Variants in BRD3 observed in about 807,000 individuals in gnomAD.
BRD3 encodes the protein bromodomain containing 3.
In BRD3, 17 loss-of-function variants were observed where a neutral mutation model predicts 66.8. That is an observed-to-expected ratio of 0.25 (90% CI 0.17 to 0.38). BRD3 has a LOEUF of 0.38. BRD3 is among the 10% of genes least tolerant of loss of function. BRD3 has a pLI of 1.00. For synonymous variants in BRD3, 421 were observed against 393.2 expected (o/e 1.07, Z -0.84); for missense variants, 713 against 956.1 (o/e 0.75, Z 3.35).
intron 9 of BRD3, among the ~76,000 whole-genome samples, chr9:134,036,965 CTTGT>C (rs1829934770): frequency 6.6e-6 from 1 of 151,994 alleles, no homozygotes; most frequent in Non-Finnish European, 1.5e-5. Context: ...GAGCCAAGAT[CTTGT>C]CCCTGCACTC....
At chr9:134,053,953 G>A (rs918189742) in intron 1 of BRD3, 4 of 182,026 alleles carry the variant, frequency 2.2e-5, no homozygotes, top group Admixed American at 1.7e-4. Context: ...CCACCCACTC[G>A]TGGGGTCGAC....
intron 7 of BRD3, among the ~76,000 whole-genome samples, chr9:134,042,790 TATAC>T (rs1238642728): frequency 1.8e-3 from 83 of 47,040 alleles, no homozygotes; most frequent in African/African-American, 3.4e-3. Context: ...TATACACAAA[TATAC>T]ACACACACAC....
chr9:134,050,780 C>A (rs765738688), intron 4 of BRD3, among the ~76,000 whole-genome samples, 192 bp from the exon 5 acceptor site: 1 of 152,030 alleles, frequency 6.6e-6, no homozygotes, highest in Non-Finnish European at 1.5e-5. Context: ...CTCATCTTGG[C>A]TGAGGGCTCC....
intron 7 of BRD3, among the ~76,000 whole-genome samples, chr9:134,044,288 C>T (rs1297520080): frequency 6.6e-6 from 1 of 152,188 alleles, no homozygotes; most frequent in Non-Finnish European, 1.5e-5. Context: ...TGGGTAGGCC[C>T]TGTGCGCGAG....
chr9:134,040,276 A>C lies in BRD3; in HGVS notation c.1408-7T>G. The C allele has an allele frequency of 6.3e-7, 1 of 1,590,786 alleles. No individual in the cohort carries two copies. The highest frequency in any genetic ancestry group is 8.5e-7 in the Non-Finnish European group (1 of 1,170,202). ...GCTCGTGCACGGCCTTCAGCTGGAA[A>C]AGAGCGGGCGGCTGAGCAGGTGCTG... On this transcript the variant is annotated splice_region_variant and splice_polypyrimidine_tract_variant and intron_variant, in intron 8 of 11. Coordinates refer to ENST00000303407, the MANE Select transcript of BRD3 (RefSeq NM_007371.4).
chr9:134,044,494 C>A (rs980913752), intron 7 of BRD3, among the ~76,000 whole-genome samples: 1 of 152,134 alleles, frequency 6.6e-6, no homozygotes, highest in Non-Finnish European at 1.5e-5. Context: ...GAACACATAC[C>A]CATAATTCTC....
Position 134,045,581 on chromosome 9 carries a change from C to T in BRD3, c.1087-160G>A, listed in dbSNP as rs1393185894. 6.6e-6 allele frequency among the ~76,000 whole-genome samples: 1 copy of T among 152,098 alleles called. No homozygotes were observed. Among genetic ancestry groups the T allele is most frequent in the Non-Finnish European group, 1.5e-5 (1 of 68,026 alleles). ...AGGACACCCCAGCTCTCTGGGACCT[C>T]GTACGAGGAAACCCAAAGTGAGGAC... On this transcript the variant is annotated intron_variant, in intron 6 of 11. Coordinates refer to ENST00000303407, the MANE Select transcript of BRD3 (RefSeq NM_007371.4). The surrounding 1 kb of genome is among the most constrained non-coding windows in gnomAD (Gnocchi z 4.8).
At chr9:134,041,029 G>A (rs182054146) in intron 8 of BRD3, among the ~76,000 whole-genome samples, 36 of 152,324 alleles carry the variant, frequency 2.4e-4, no homozygotes, top group African/African-American at 7.5e-4. Flanking sequence ...CCTCACAGCC[G>A]TCTTCCCTGC....
intron 6 of BRD3, among the ~76,000 whole-genome samples, chr9:134,047,344 G>T (rs1830193455): frequency 2.0e-5 from 3 of 152,212 alleles, no homozygotes; most frequent in Admixed American, 6.5e-5. Context: ...GCACGTCCCT[G>T]GGAGCTGGCT....
In BRD3 at chr9:134,048,346, C is replaced by T. The variant is rs748008004; in HGVS notation, c.823G>A (p.Val275Met). The T allele has an allele frequency of 1.3e-6, 2 of 1,599,202 alleles. No homozygotes were observed. The highest frequency in any genetic ancestry group is 2.2e-5 in the East Asian group (1 of 44,886). ...CCACCACTCTCCCGCCGGGCCACCA[C>T]TTTGGCCTGCTTGGGGTCTGACAAC... is the stretch of plus-strand genomic sequence containing the variant. Reference protein sequence around the residue: ...PPLSDPKQAKVVARRESGGRP... With the variant: ...PPLSDPKQAKMVARRESGGRP... Residue 275 changes from valine to methionine, a missense_variant, in exon 6 of 12, where the codon GTG (valine) becomes ATG (methionine). Physicochemically the swap from Val to Met is conservative, Grantham distance 21. Transcript: ENST00000303407.
At chr9:134,064,467 G>A (rs1326806298) in intron 1 of BRD3, among the ~76,000 whole-genome samples, 1 of 152,184 alleles carries the variant, frequency 6.6e-6, no homozygotes, top group African/African-American at 2.4e-5. Flanking sequence ...CTTGAACCCA[G>A]GAGGTGGAGG....
At chr9:134,061,956 C>T (rs1391331434) in intron 1 of BRD3, among the ~76,000 whole-genome samples, 3 of 152,334 alleles carry the variant, frequency 2.0e-5, no homozygotes, top group Middle Eastern at 3.4e-3. Flanking sequence ...TGTCCCCAGG[C>T]GGCCAGAGGG....
At position 134,052,312 on chromosome 9, in the gene BRD3, A is replaced by G. The variant is rs1453811232; in HGVS notation, c.345T>C (p.Tyr115=). Residue 115 remains tyrosine (Y), a synonymous_variant, in exon 3 of 12, where the codon TAT becomes TAC. Coordinates refer to ENST00000303407, the MANE Select transcript of BRD3 (RefSeq NM_007371.4). The stretch of plus-strand genomic sequence containing the variant: ...CAGGCCCGCATCTTCTTACCTTGTT[A>G]TAAATGTAACAATTTGTAAACATGG... ...FNTMFTNCYI[Y]NKPTDDIVLM... is the part of the protein sequence containing the mutation. 1 of 1,612,680 alleles carries G rather than the reference A, an allele frequency of 6.2e-7. No homozygotes were observed.
At position 134,053,464 on chromosome 9, in the gene BRD3, G is replaced by C; in HGVS notation, c.14C>G (p.Thr5Arg). ...CGGGATCCCCGCGGGGGCGACTGTC[G>C]TGGCGGTGGACATCCTCCGGCAGCT... is the stretch of plus-strand genomic sequence containing the variant. The part of the protein sequence containing the change: MSTA[T>R]TVAPAGIPAT... Residue 5 changes from threonine to arginine, a missense_variant, in exon 2 of 12, where the codon ACG becomes AGG. Physicochemically the swap from Thr to Arg is moderately conservative, Grantham distance 71. Transcript: ENST00000303407. 6.2e-7 allele frequency: 1 copy of C among 1,600,458 alleles called. No individual in the cohort carries two copies. Among genetic ancestry groups the C allele is most frequent in the Non-Finnish European group, 8.5e-7 (1 of 1,175,664 alleles).
Position 134,045,216 on chromosome 9 carries a change from G to C in BRD3, c.1215+77C>G. 6.4e-7 allele frequency: 1 copy of C among 1,574,298 alleles called. No homozygotes were observed. Among genetic ancestry groups the C allele is most frequent in the South Asian group, 1.1e-5 (1 of 87,758 alleles). Reference sequence around the variant, plus strand: ...CTTCCTCGGCTGGACATTCACCTGGGCGCTTACCCCACACTGAGGCCAGGA... The same window carrying C: ...CTTCCTCGGCTGGACATTCACCTGGCCGCTTACCCCACACTGAGGCCAGGA... On this transcript the variant is annotated intron_variant, in intron 7 of 11. Transcript: ENST00000303407. The surrounding 1 kb of genome is among the most constrained non-coding windows in gnomAD (Gnocchi z 4.8).
chr9:134,036,338 C>T lies in BRD3; in HGVS notation c.1644-14G>A. The T allele has an allele frequency of 6.3e-7, 1 of 1,590,566 alleles. No homozygotes were observed. Among genetic ancestry groups the T allele is most frequent in the Non-Finnish European group, 8.6e-7 (1 of 1,168,142 alleles). ...TTCTTCAGCTGTCTGGGGCAGGAGA[C>T]AGAGCAACGTGGTGTTGAGTCTCCG... On this transcript the variant is annotated splice_polypyrimidine_tract_variant and intron_variant, in intron 9 of 11. Transcript: ENST00000303407.
intron 9 of BRD3, chr9:134,036,657 A>G: frequency 8.2e-7 from 1 of 1,218,702 alleles, no homozygotes; most frequent in South Asian, 1.3e-5. Context: ...CACAGAGGAA[A>G]AAGAAAATAA....
At chr9:134,050,349 AC>A in intron 5 of BRD3, 24 bp downstream of exon 5, 1 of 1,599,650 alleles carries the variant, frequency 6.3e-7, no homozygotes, top group East Asian at 2.2e-5. Context: ...CAGGTGCCCC[AC>A]CCATCCGGAC....
chr9:134,049,100 C>T (rs1161516863), intron 5 of BRD3, among the ~76,000 whole-genome samples: 1 of 152,122 alleles, frequency 6.6e-6, no homozygotes, highest in African/African-American at 2.4e-5. Context: ...AAGGCCATTT[C>T]AAGCAAGGAG....
Sources: allele counts gnomAD v4.1 joint callset (sites outside exome capture counted in the v4.1 genomes callset), GRCh38; gene constraint gnomAD v4.1.1; non-coding constraint Gnocchi (gnomAD v3.1); transcripts MANE v1.5; gene names NCBI Gene and HGNC (gene_info 2026-07-23, HGNC 2026-07-21).